Variants in PALLD observed in about 807,000 individuals in gnomAD.
PALLD encodes the protein palladin.
PALLD carries 61 observed loss-of-function variants against 123.5 expected under a neutral mutation model. The observed-to-expected ratio is 0.49, with a 90% confidence interval of 0.40 to 0.61. PALLD has a LOEUF of 0.61. Ranked by LOEUF, PALLD falls within the 20% of genes least tolerant of loss-of-function variation. The probability of loss-of-function intolerance (pLI) is 0.00; values close to 1 mark genes in which losing one functional copy is unlikely to be tolerated. For synonymous variants in PALLD, 465 were observed against 496.4 expected (o/e 0.94, Z 0.84); for missense variants, 1,273 against 1,377.0 (o/e 0.92, Z 1.20).
At chr4:168,675,402 T>C (rs9998058) in intron 3 of PALLD, among the ~76,000 whole-genome samples, 24,104 of 152,210 alleles carry the variant, frequency 0.16, 2,823 homozygotes, top group African/African-American at 0.31. Context: ...CGTGCTGTGA[T>C]GTGAAATGTG....
At chr4:168,630,909 C>T (rs1437248559) in intron 2 of PALLD, among the ~76,000 whole-genome samples, 1 of 152,166 alleles carries the variant, frequency 6.6e-6, no homozygotes, top group African/African-American at 2.4e-5. Context: ...TCCTGATATC[C>T]GTCTGTGTGG....
intron 10 of PALLD, among the ~76,000 whole-genome samples, chr4:168,792,326 TA>T (rs138452991): frequency 2.0e-5 from 3 of 150,518 alleles, no homozygotes; most frequent in African/African-American, 7.3e-5. Flanking sequence ...AGGGTTCCTT[TA>T]AAAAAAAATA....
At chr4:168,654,743 A>C (rs4692668) in intron 2 of PALLD, 84,961 of 152,146 alleles carry the variant, frequency 0.56, 24,988 homozygotes, top group African/African-American at 0.76. Context: ...GCTCTGCATA[A>C]CCAGGCTCTC....
At chr4:168,923,916 C>T (rs577115025) in intron 18 of PALLD, among the ~76,000 whole-genome samples, 4 of 92,758 alleles carry the variant, frequency 4.3e-5, no homozygotes, top group African/African-American at 1.2e-4. Flanking sequence ...TGTGAATGAT[C>T]GGTAACATAA....
intron 2 of PALLD, among the ~76,000 whole-genome samples, chr4:168,531,776 C>T (rs986368595): frequency 6.6e-6 from 1 of 152,126 alleles, no homozygotes; most frequent in Non-Finnish European, 1.5e-5. Flanking sequence ...AAAACAGCTG[C>T]CCTACAGAGG....
At chr4:168,704,536 C>T (rs947238993) in intron 8 of PALLD, among the ~76,000 whole-genome samples, 22 of 151,600 alleles carry the variant, frequency 1.5e-4, no homozygotes, top group Admixed American at 3.9e-4. Flanking sequence ...GCCGGGCGGG[C>T]GCCTGTAGTC....
intron 10 of PALLD, among the ~76,000 whole-genome samples, chr4:168,851,437 G>A (rs1013724080): frequency 1.3e-5 from 2 of 150,070 alleles, no homozygotes; most frequent in South Asian, 2.1e-4. Context: ...GCGCAATCTC[G>A]GCTCACTGCA....
At chr4:168,540,453 G>T (rs1176096402) in intron 2 of PALLD, among the ~76,000 whole-genome samples, 1 of 151,974 alleles carries the variant, frequency 6.6e-6, no homozygotes, top group Non-Finnish European at 1.5e-5. Flanking sequence ...TGTCCTTAGG[G>T]TTCATGCTAA....
chr4:168,694,917 C>A (rs1380023139), intron 8 of PALLD, among the ~76,000 whole-genome samples: 2 of 152,150 alleles, frequency 1.3e-5, no homozygotes, highest in Non-Finnish European at 2.9e-5. Flanking sequence ...CTGATAGACT[C>A]CTTCAAAGAC....
At chr4:168,864,291 G>A (rs1749942030) in intron 10 of PALLD, 1 of 152,158 alleles carries the variant, frequency 6.6e-6, no homozygotes, top group South Asian at 2.1e-4. Flanking sequence ...TCTTTGTAAT[G>A]TTTATCTGTA....
intron 17 of PALLD, among the ~76,000 whole-genome samples, chr4:168,921,296 A>T (rs1251546707): frequency 2.7e-5 from 4 of 150,752 alleles, no homozygotes; most frequent in African/African-American, 4.9e-5. Flanking sequence ...AATCCCAGCT[A>T]CTCAGGAGGC....
At chr4:168,713,950 T>G (rs1179900084) in intron 10 of PALLD, among the ~76,000 whole-genome samples, 1 of 146,130 alleles carries the variant, frequency 6.8e-6, no homozygotes, top group African/African-American at 2.5e-5. Context: ...TTGTTTTTTT[T>G]TTTTTTTTTT....
chr4:168,499,744 G>A (rs1289481165), intron 1 of PALLD, among the ~76,000 whole-genome samples: 1 of 151,944 alleles, frequency 6.6e-6, no homozygotes, highest in Non-Finnish European at 1.5e-5. Context: ...TCCTATCTAT[G>A]TATACATTTT....
chr4:168,779,806 A>G (rs76616233), intron 10 of PALLD, among the ~76,000 whole-genome samples: 1 of 151,974 alleles, frequency 6.6e-6, no homozygotes, highest in Non-Finnish European at 1.5e-5. Context: ...TCCTCATTTA[A>G]TATCTTTGTC....
chr4:168,641,974 T>C lies in PALLD; in HGVS notation c.909-26216T>C, dbSNP rs184536856. On this transcript the variant is annotated intron_variant, in intron 2 of 21. Transcript: ENST00000505667. ...CAGCGCAATGAATGTTGATTGGGCA[T>C]GCACAGTACACAGGCACTGCACTGA... Among the ~76,000 whole-genome samples, 387 of 152,306 alleles carry C rather than the reference T, an allele frequency of 2.5e-3. 1 individual carries two copies. Among genetic ancestry groups the C allele is most frequent in the Admixed American group, 4.5e-3 (69 of 15,298 alleles).
At chr4:168,611,079 T>C (rs1561302996) in intron 2 of PALLD, among the ~76,000 whole-genome samples, 1 of 152,216 alleles carries the variant, frequency 6.6e-6, no homozygotes, top group Non-Finnish European at 1.5e-5. Context: ...CATGATTACA[T>C]ACCAGGAGGC....
At chr4:168,777,562 C>T (rs1419638065) in intron 10 of PALLD, among the ~76,000 whole-genome samples, 6 of 152,192 alleles carry the variant, frequency 3.9e-5, no homozygotes, top group Admixed American at 1.3e-4. Context: ...ATATCAGTAG[C>T]AGCAGGGACT....
At chr4:168,583,453 C>T (rs1361199055) in intron 2 of PALLD, among the ~76,000 whole-genome samples, 1 of 152,084 alleles carries the variant, frequency 6.6e-6, no homozygotes, top group Non-Finnish European at 1.5e-5. Context: ...ACTGAGATTC[C>T]ACAATCACAA....
intron 10 of PALLD, among the ~76,000 whole-genome samples, chr4:168,840,984 G>A (rs1745952736): frequency 6.6e-6 from 1 of 152,076 alleles, no homozygotes; most frequent in African/African-American, 2.4e-5. Context: ...CTGAGTAGCT[G>A]GGATTACAGG....
Sources: allele counts gnomAD v4.1 joint callset (sites outside exome capture counted in the v4.1 genomes callset), GRCh38; gene constraint gnomAD v4.1.1; transcripts MANE v1.5; gene names NCBI Gene and HGNC (gene_info 2026-07-23, HGNC 2026-07-21).